The following ENTREP2 variants were observed in gnomAD, a reference collection of about 807,000 sequenced individuals.
The protein encoded by ENTREP2 is endosomal transmembrane epsin interactor 2.
chr15:29,504,583 G>T, the ENTREP2 span, among the ~76,000 whole-genome samples: 25 of 152,198 alleles, frequency 1.6e-4, no homozygotes, highest in Non-Finnish European at 1.5e-5. Context: ...ACTGAAGCGT[G>T]TGTTTCCAAG....
chr15:29,136,851 C>T, the ENTREP2 span, among the ~76,000 whole-genome samples: 36 of 152,308 alleles, frequency 2.4e-4, no homozygotes, highest in East Asian at 5.8e-4. Context: ...TGTCTGCCTC[C>T]GGCTTCTTTC....
the ENTREP2 span, among the ~76,000 whole-genome samples, chr15:29,384,564 G>C: frequency 2.0e-5 from 3 of 152,212 alleles, no homozygotes; most frequent in Admixed American, 1.3e-4. Flanking sequence ...TCCAGCACTG[G>C]AGGCACCTCC....
chr15:29,575,448 G>C, the ENTREP2 span, among the ~76,000 whole-genome samples: 1 of 152,140 alleles, frequency 6.6e-6, no homozygotes. Flanking sequence ...TCAGGAATTT[G>C]ACATGTGGTG....
chr15:29,459,055 G>A, the ENTREP2 span, among the ~76,000 whole-genome samples: 1 of 152,140 alleles, frequency 6.6e-6, no homozygotes, highest in Non-Finnish European at 1.5e-5. Flanking sequence ...TGCCACACAG[G>A]GTTGACAAGG....
the ENTREP2 span, among the ~76,000 whole-genome samples, chr15:29,264,154 C>CAAA: frequency 4.3e-5 from 3 of 69,046 alleles, no homozygotes; most frequent in Non-Finnish European, 7.5e-5. Flanking sequence ...GACTCCGTCT[C>CAAA]AAAAAAAAAA....
At chr15:29,361,078 G>A in the ENTREP2 span, among the ~76,000 whole-genome samples, 1 of 152,170 alleles carries the variant, frequency 6.6e-6, no homozygotes, top group Admixed American at 6.5e-5. Flanking sequence ...TGTCTTGGTT[G>A]TTCTGCTGGC....
the ENTREP2 span, among the ~76,000 whole-genome samples, chr15:29,579,537 T>G: frequency 9.2e-5 from 11 of 119,848 alleles, no homozygotes; most frequent in Non-Finnish European, 1.6e-4. Flanking sequence ...TTTTTTTTTT[T>G]GAGATGGAGT....
the ENTREP2 span, among the ~76,000 whole-genome samples, chr15:29,512,850 T>C: frequency 7.2e-5 from 11 of 152,160 alleles, no homozygotes; most frequent in South Asian, 2.3e-3. Flanking sequence ...TTATAACTGG[T>C]GATGCACAAA....
At chr15:29,434,132 C>T in the ENTREP2 span, among the ~76,000 whole-genome samples, 1 of 152,172 alleles carries the variant, frequency 6.6e-6, no homozygotes, top group African/African-American at 2.4e-5. Context: ...AGCTGGCATG[C>T]CACTTTAGGA....
the ENTREP2 span, among the ~76,000 whole-genome samples, chr15:29,565,833 C>T: frequency 6.6e-6 from 1 of 151,666 alleles, no homozygotes; most frequent in South Asian, 2.1e-4. Context: ...TGGTGGCGGG[C>T]GCCTGTAGTC....
chr15:29,488,213 T>A, the ENTREP2 span, among the ~76,000 whole-genome samples: 3 of 152,066 alleles, frequency 2.0e-5, no homozygotes, highest in African/African-American at 7.3e-5. Flanking sequence ...AATAAGTGAA[T>A]TGAAATAAAG....
the ENTREP2 span, among the ~76,000 whole-genome samples, chr15:29,370,971 G>A: frequency 6.6e-6 from 1 of 151,930 alleles, no homozygotes; most frequent in Non-Finnish European, 1.5e-5. Flanking sequence ...CTTTATTCAT[G>A]TCGCTAGTTT....
At chr15:29,333,904 A>G in the ENTREP2 span, among the ~76,000 whole-genome samples, 1 of 151,986 alleles carries the variant, frequency 6.6e-6, no homozygotes, top group Non-Finnish European at 1.5e-5. Context: ...CACGAGGAGA[A>G]CGCCATGTGA....
chr15:29,203,073 A>C, the ENTREP2 span, among the ~76,000 whole-genome samples: 1 of 152,176 alleles, frequency 6.6e-6, no homozygotes, highest in African/African-American at 2.4e-5. Context: ...TGTCTTCCAC[A>C]ATGGTTGAAC....
chr15:29,151,720 A>G, the ENTREP2 span: 1 of 1,541,646 alleles, frequency 6.5e-7, no homozygotes, highest in Non-Finnish European at 8.8e-7. Context: ...GGAGGAGGGG[A>G]TCAGGCCACT....
At chr15:29,475,611 G>T in the ENTREP2 span, among the ~76,000 whole-genome samples, 1 of 152,156 alleles carries the variant, frequency 6.6e-6, no homozygotes, top group Admixed American at 6.5e-5. Flanking sequence ...AAAAGGAAGG[G>T]GACACCAAGG....
chr15:29,666,578 T>C, the ENTREP2 span, among the ~76,000 whole-genome samples: 1 of 152,044 alleles, frequency 6.6e-6, no homozygotes, highest in African/African-American at 2.4e-5. Context: ...TACAATAACC[T>C]CCTCTCCCTT....
the ENTREP2 span, among the ~76,000 whole-genome samples, chr15:29,636,081 A>C: frequency 6.6e-6 from 1 of 152,230 alleles, no homozygotes; most frequent in Non-Finnish European, 1.5e-5. Context: ...ACAGAAAGAA[A>C]GAGAAACTCT....
At chr15:29,228,633 A>C in the ENTREP2 span, among the ~76,000 whole-genome samples, 1 of 152,206 alleles carries the variant, frequency 6.6e-6, no homozygotes, top group Non-Finnish European at 1.5e-5. Context: ...ACCAAAAAGA[A>C]AAAGGACTCT....
Sources: allele counts gnomAD v4.1 joint callset (sites outside exome capture counted in the v4.1 genomes callset), GRCh38; gene constraint gnomAD v4.1.1; transcripts MANE v1.5; gene names NCBI Gene and HGNC (gene_info 2026-07-23, HGNC 2026-07-21).